NAV3: variants seen among roughly 807,000 people sequenced by gnomAD.
NAV3 encodes the protein pore membrane and/or filament interacting like protein 1.
In NAV3, 87 loss-of-function variants were observed where a neutral mutation model predicts 244.7. That is an observed-to-expected ratio of 0.36 (90% CI 0.30 to 0.42). The LOEUF is 0.42. Among genes scored for constraint, NAV3 ranks in the 20% least tolerant of loss-of-function variants. The pLI is 1.00. For missense variants in NAV3, 2,663 were observed against 2,893.3 expected (o/e 0.92, Z 1.83); for synonymous variants, 1,126 against 1,042.2 (o/e 1.08, Z -1.55).
At chr12:78,007,824 G>T (rs1397445323) in intron 8 of NAV3, among the ~76,000 whole-genome samples, 1 of 152,230 alleles carries the variant, frequency 6.6e-6, no homozygotes. Context: ...ATCGTTTACG[G>T]TTATTTTTGT....
intron 2 of NAV3, among the ~76,000 whole-genome samples, chr12:77,808,246 A>C (rs139163088): frequency 0.022 from 3,285 of 152,080 alleles, 40 homozygotes; most frequent in Non-Finnish European, 0.032. Flanking sequence ...CCTTTGGAGG[A>C]GAAGAAGCGT....
At chr12:78,090,840 C>T (rs189857114) in intron 12 of NAV3, among the ~76,000 whole-genome samples, 22 of 151,916 alleles carry the variant, frequency 1.4e-4, no homozygotes, top group South Asian at 2.1e-4. Context: ...GTGAAAATTC[C>T]GTAACAGTCT....
intron 1 of NAV3, among the ~76,000 whole-genome samples, chr12:77,835,998 C>T (rs992458760): frequency 2.6e-5 from 4 of 152,174 alleles, no homozygotes; most frequent in Admixed American, 2.0e-4. Context: ...GGAAAATCCT[C>T]CACAATATTT....
intron 38 of NAV3, among the ~76,000 whole-genome samples, chr12:78,201,072 CTTTT>C (rs549973376): frequency 6.6e-5 from 6 of 90,306 alleles, no homozygotes; most frequent in Non-Finnish European, 1.2e-4. Flanking sequence ...TCTTCTCCTT[CTTTT>C]TTTTTTTTTT....
At chr12:77,804,822 T>C (rs768208796) in intron 2 of NAV3, among the ~76,000 whole-genome samples, 5 of 152,162 alleles carry the variant, frequency 3.3e-5, no homozygotes, top group African/African-American at 4.8e-5. Context: ...TGTTTTTCCA[T>C]TTGTTTGTGT....
At chr12:77,679,799 G>A (rs1453518322) in intron 2 of NAV3, among the ~76,000 whole-genome samples, 2 of 152,166 alleles carry the variant, frequency 1.3e-5, no homozygotes, top group East Asian at 1.9e-4. Flanking sequence ...ACAGTGTCAA[G>A]TGACCCAGAA....
chr12:77,910,426 G>A (rs1471072967), intron 1 of NAV3, among the ~76,000 whole-genome samples: 3 of 152,068 alleles, frequency 2.0e-5, no homozygotes, highest in Admixed American at 6.6e-5. Flanking sequence ...GTAGGGATAT[G>A]TCCCCGTGAC....
intron 1 of NAV3, among the ~76,000 whole-genome samples, chr12:77,837,083 A>G (rs537698056): frequency 1.3e-5 from 2 of 152,136 alleles, no homozygotes; most frequent in Non-Finnish European, 2.9e-5. Flanking sequence ...AATGTGGACA[A>G]TTCTTTTGCA....
chr12:77,835,715 G>T (rs938328674), intron 1 of NAV3, among the ~76,000 whole-genome samples: 1 of 152,038 alleles, frequency 6.6e-6, no homozygotes, highest in South Asian at 2.1e-4. Flanking sequence ...AATTGGTATC[G>T]TCTCCTCCTG....
intron 9 of NAV3, among the ~76,000 whole-genome samples, chr12:78,027,752 T>A (rs1213187076): frequency 1.3e-5 from 2 of 152,194 alleles, no homozygotes; most frequent in East Asian, 3.9e-4. Context: ...AGAATGGACA[T>A]GCCAATGGCA....
At chr12:77,706,097 C>T (rs551033453) in intron 2 of NAV3, among the ~76,000 whole-genome samples, 1 of 151,238 alleles carries the variant, frequency 6.6e-6, no homozygotes, top group South Asian at 2.1e-4. Context: ...CAAACTCTAA[C>T]TTTTATGATG....
At chr12:77,922,736 T>C (rs1290036003) in intron 1 of NAV3, among the ~76,000 whole-genome samples, 1 of 152,154 alleles carries the variant, frequency 6.6e-6, no homozygotes, top group African/African-American at 2.4e-5. Flanking sequence ...CTAAGACTCA[T>C]TGTACCTTTG....
intron 1 of NAV3, among the ~76,000 whole-genome samples, chr12:77,876,368 T>C (rs1565881093): frequency 6.6e-6 from 1 of 152,062 alleles, no homozygotes; most frequent in Non-Finnish European, 1.5e-5. Context: ...AGCAGGAATA[T>C]AGGAAGTAGG....
intron 34 of NAV3, among the ~76,000 whole-genome samples, chr12:78,191,000 G>A (rs1347864387): frequency 6.6e-6 from 1 of 152,104 alleles, no homozygotes; most frequent in Non-Finnish European, 1.5e-5. Flanking sequence ...TCGGGAAAAT[G>A]CAACTATTAT....
At chr12:77,876,426 G>T (rs1881857761) in intron 1 of NAV3, among the ~76,000 whole-genome samples, 1 of 151,998 alleles carries the variant, frequency 6.6e-6, no homozygotes, top group Non-Finnish European at 1.5e-5. Flanking sequence ...AGATGAAGAG[G>T]CTGTTTCTTC....
intron 1 of NAV3, among the ~76,000 whole-genome samples, chr12:77,882,740 A>T (rs1201838793): frequency 2.0e-5 from 3 of 152,158 alleles, no homozygotes; most frequent in Non-Finnish European, 4.4e-5. Flanking sequence ...AACAAACAAA[A>T]ACAAGTAACT....
intron 2 of NAV3, among the ~76,000 whole-genome samples, chr12:77,586,585 A>G (rs1186850952): frequency 6.6e-6 from 1 of 152,196 alleles, no homozygotes; most frequent in Non-Finnish European, 1.5e-5. Context: ...GAAGTTTAGG[A>G]TTTTTGCCTA....
At chr12:77,939,857 A>G (rs1284680528) in intron 1 of NAV3, among the ~76,000 whole-genome samples, 5 of 152,190 alleles carry the variant, frequency 3.3e-5, no homozygotes, top group African/African-American at 9.6e-5. Flanking sequence ...AATGATGCCA[A>G]AATCTTGTCA....
At chr12:78,077,231 AATATAAAAG>A (rs1220467756) in intron 12 of NAV3, among the ~76,000 whole-genome samples, 6 of 152,210 alleles carry the variant, frequency 3.9e-5, no homozygotes, top group Admixed American at 3.9e-4. Context: ...TACAAATAAA[AATATAAAAG>A]CTCAATAAAG....
Sources: allele counts gnomAD v4.1 joint callset (sites outside exome capture counted in the v4.1 genomes callset), GRCh38; gene constraint gnomAD v4.1.1; transcripts MANE v1.5; gene names NCBI Gene and HGNC (gene_info 2026-07-23, HGNC 2026-07-21).